Variants in ZFHX3 observed in about 807,000 individuals in gnomAD.
ZFHX3 encodes the protein zinc finger homeobox protein 3.
A neutral mutation model predicts 279.1 loss-of-function variants in ZFHX3; 42 were observed. The observed-to-expected ratio is 0.15, with a 90% confidence interval of 0.12 to 0.19. The LOEUF (loss-of-function observed/expected upper bound fraction) is 0.19, where lower values mean the gene tolerates loss of function less well. Among genes scored for constraint, ZFHX3 ranks in the 10% least tolerant of loss-of-function variants. The pLI, the probability that ZFHX3 is intolerant of heterozygous loss-of-function variation, is 1.00. For missense variants in ZFHX3, 4,981 were observed against 4,754.0 expected (o/e 1.05, Z -1.40); for synonymous variants, 2,293 against 1,957.8 (o/e 1.17, Z -4.52).
chr16:72,798,031 T>C lies in ZFHX3; in HGVS notation c.4651A>G (p.Lys1551Glu), dbSNP rs776698400. 1 of 1,614,220 alleles carries C rather than the reference T, an allele frequency of 6.2e-7. No individual in the cohort carries two copies. The highest frequency in any genetic ancestry group is 2.2e-5 in the East Asian group (1 of 44,884). ...ATATTCTTTTGAGTGAAAGATTCCT[T>C]GCAGACGGTACACTTGTAAGGGCGA... The part of the protein sequence containing the change: ...PSRPYKCTVC[K>E]ESFTQKNILL... The change falls in exon 9 of 10, where the codon AAG becomes GAG. Residue 1551 changes from lysine to glutamate, a missense_variant. Coordinates refer to ENST00000268489, the MANE Select transcript of ZFHX3 (RefSeq NM_006885.4).
intron 1 of ZFHX3, among the ~76,000 whole-genome samples, chr16:72,969,896 G>A (rs1231177406): frequency 6.6e-6 from 1 of 152,220 alleles, no homozygotes; most frequent in Non-Finnish European, 1.5e-5. Flanking sequence ...CTCTGCAAGT[G>A]TGGCCAGGTC....
chr16:73,320,108 C>T (rs58144580), intron 3 of ZFHX3, among the ~76,000 whole-genome samples: 4,302 of 152,146 alleles, frequency 0.028, 181 homozygotes, highest in African/African-American at 0.088. Flanking sequence ...AGGGAAGAAC[C>T]GCAGGGATGC....
At chr16:73,271,670 T>C (rs2014148812) in intron 4 of ZFHX3, among the ~76,000 whole-genome samples, 2 of 152,324 alleles carry the variant, frequency 1.3e-5, no homozygotes, top group African/African-American at 2.4e-5. Flanking sequence ...GAGAGGATGG[T>C]TAAGTTTCTG....
At chr16:72,902,128 G>T (rs971058644) in intron 3 of ZFHX3, among the ~76,000 whole-genome samples, 1 of 152,146 alleles carries the variant, frequency 6.6e-6, no homozygotes, top group Non-Finnish European at 1.5e-5. Context: ...AGGAAGGGGG[G>T]ATCAATAGAG....
chr16:73,645,492 G>A (rs1162322512), intron 2 of ZFHX3, among the ~76,000 whole-genome samples: 3 of 152,022 alleles, frequency 2.0e-5, no homozygotes, highest in Non-Finnish European at 4.4e-5. Context: ...TCCTGACCTC[G>A]TGATCTGCCC....
rs777671607 is a variant in ZFHX3, at chr16:72,811,980, G to C, written c.3588C>G (p.Ile1196Met). Residue 1196 changes from isoleucine to methionine, a missense_variant, in exon 6 of 10, where the codon ATC becomes ATG. By Grantham distance (10) the Ile-to-Met change is conservative. Transcript: ENST00000268489. ...LTDSPATSKR[I>M]SFPGSSESPL... ...GAGACTCTGAGCTACCTGGGAAGGA[G>C]ATGCGTTTGGAGGTTGCAGGAGAAT... 8.7e-6 allele frequency: 14 copies of C among 1,614,094 alleles called. No homozygotes were observed. Among genetic ancestry groups the C allele is most frequent in the Non-Finnish European group, 1.1e-5 (13 of 1,180,050 alleles).
chr16:73,533,832 G>A (rs1444429759), intron 2 of ZFHX3, among the ~76,000 whole-genome samples: 1 of 152,052 alleles, frequency 6.6e-6, no homozygotes, highest in Non-Finnish European at 1.5e-5. Context: ...TCTTCTTGGT[G>A]CTTCCTCCTA....
intron 5 of ZFHX3, among the ~76,000 whole-genome samples, chr16:73,203,271 TA>T (rs2011673179): frequency 1.3e-5 from 2 of 152,276 alleles, no homozygotes; most frequent in South Asian, 2.1e-4. Flanking sequence ...GGTGGAGAGA[TA>T]AATGGCTGGA....
intron 4 of ZFHX3, among the ~76,000 whole-genome samples, chr16:72,872,960 A>G (rs1157578603): frequency 3.9e-5 from 6 of 152,136 alleles, no homozygotes; most frequent in South Asian, 2.1e-4. Flanking sequence ...AACTCCCACA[A>G]CAGCCTGGGG....
intron 3 of ZFHX3, among the ~76,000 whole-genome samples, chr16:73,352,539 GC>G (rs1427452359): frequency 1.5e-5 from 2 of 136,878 alleles, no homozygotes; most frequent in Middle Eastern, 3.8e-3. Flanking sequence ...AGGGCACCAG[GC>G]AAGATCACGA....
At chr16:72,889,993 T>C (rs372911496) in intron 3 of ZFHX3, 31 bp from the exon 4 acceptor site, 4 of 1,593,354 alleles carry the variant, frequency 2.5e-6, no homozygotes, top group East Asian at 2.2e-5. Flanking sequence ...AGACATGCCT[T>C]GGGTAAGCCA....
At position 72,782,984 on chromosome 16, in the gene ZFHX3, TTAAC is replaced by T. The variant is rs1195852948; in HGVS notation, c.*4176_*4179del. 2.0e-5 allele frequency: 3 copies of T among 152,760 alleles called. No individual in the cohort carries two copies. The highest frequency in any genetic ancestry group is 4.4e-5 in the Non-Finnish European group (3 of 68,014). 9.5% of individuals were successfully genotyped at this position (152,760 alleles called of 1,614,324 possible). Reference sequence around the variant, plus strand: ...TATTCAATTACCATCTACAATCAACTTAACTATGACAACAAAGTTTTTGTGACAA... The same window carrying T: ...TATTCAATTACCATCTACAATCAACTTATGACAACAAAGTTTTTGTGACAA... On this transcript the variant is annotated 3_prime_UTR_variant, in exon 10 of 10. Coordinates refer to ENST00000268489, the MANE Select transcript of ZFHX3 (RefSeq NM_006885.4).
intron 1 of ZFHX3, among the ~76,000 whole-genome samples, chr16:73,734,884 TA>T (rs1045676186): frequency 6.6e-6 from 1 of 152,294 alleles, no homozygotes; most frequent in East Asian, 1.9e-4. Flanking sequence ...CATAGTAATA[TA>T]AAAAAAGTTG....
intron 2 of ZFHX3, among the ~76,000 whole-genome samples, chr16:72,955,141 T>A (rs925310001): frequency 3.3e-5 from 5 of 152,168 alleles, no homozygotes; most frequent in African/African-American, 1.2e-4. Flanking sequence ...CATAAAGGAT[T>A]TGTGGCTCTC....
chr16:73,765,254 T>A (rs2053918153), intron 1 of ZFHX3, among the ~76,000 whole-genome samples: 1 of 152,184 alleles, frequency 6.6e-6, no homozygotes, highest in Non-Finnish European at 1.5e-5. Context: ...AAAGACAGAT[T>A]CTCTAGAGCA....
At chr16:72,968,272 A>AG (rs1356286955) in intron 1 of ZFHX3, among the ~76,000 whole-genome samples, 4 of 152,180 alleles carry the variant, frequency 2.6e-5, no homozygotes, top group African/African-American at 9.7e-5. Context: ...TAGAAATGTC[A>AG]GGGCCATGCA....
chr16:73,394,332 T>C (rs1376239876), intron 3 of ZFHX3, among the ~76,000 whole-genome samples: 1 of 152,050 alleles, frequency 6.6e-6, no homozygotes, highest in Non-Finnish European at 1.5e-5. Context: ...AGTCTTGCTC[T>C]GTTGTCCAGG....
chr16:73,248,835 T>C (rs940105038), intron 5 of ZFHX3, among the ~76,000 whole-genome samples: 6 of 152,176 alleles, frequency 3.9e-5, no homozygotes, highest in Non-Finnish European at 5.9e-5. Context: ...AAACATGTTT[T>C]TATTCCAAAA....
intron 1 of ZFHX3, among the ~76,000 whole-genome samples, chr16:73,758,184 A>T (rs729431): frequency 0.62 from 93,778 of 151,966 alleles, 30,177 homozygotes; most frequent in Non-Finnish European, 0.71. Flanking sequence ...GTTGTTACAA[A>T]GTTCATTGTG....
Sources: allele counts gnomAD v4.1 joint callset (sites outside exome capture counted in the v4.1 genomes callset), GRCh38; gene constraint gnomAD v4.1.1; transcripts MANE v1.5; gene names NCBI Gene and HGNC (gene_info 2026-07-23, HGNC 2026-07-21).